The following TECTB variants were observed in gnomAD, a reference collection of about 807,000 sequenced individuals.
TECTB encodes the protein beta-tectorin.
TECTB carries 45 observed loss-of-function variants against 43.3 expected under a neutral mutation model. The observed-to-expected ratio is 1.04, with a 90% CI of 0.82 to 1.33. The LOEUF (loss-of-function observed/expected upper bound fraction) is 1.33. Among genes scored for constraint, TECTB ranks in the 40% most tolerant of loss-of-function variants. TECTB has a pLI of 0.00. For synonymous variants in TECTB, 169 were observed against 156.7 expected, an observed-to-expected ratio of 1.08 and a Z score of -0.59; for missense variants, 399 against 404.7, an observed-to-expected ratio of 0.99 and a Z score of 0.12.
In TECTB at chr10:112,298,090, C is replaced by T. The variant is rs1216242840; in HGVS notation, c.693C>T (p.Val231=). The change falls in exon 8 of 11, where the codon GTC becomes GTT. Residue 231 remains valine, a synonymous_variant. Coordinates refer to ENST00000646139, the MANE Select transcript of TECTB (RefSeq NM_058222.3). ...INKGCPTDET[V]LVHENGRDHR... ...TCAGCTGCCCCACGGATGAAACCGT[C>T]CTCGTGCATGAGAATGGGAGAGATC... 6.2e-7 allele frequency: 1 copy of T among 1,614,226 alleles called. No homozygotes were observed. Among genetic ancestry groups the T allele is most frequent in the Admixed American group, 1.7e-5 (1 of 60,026 alleles).
chr10:112,302,118 C>T lies in TECTB; in HGVS notation c.925C>T (p.Leu309Phe). ...CACTACAGGCAGGGGATTTTCCAGT[C>T]TCTATAGCTTCTCAGGTAAGGAAAA... ...LSLRSRGFSS[L>F]YSFSDVLHHL... The change falls in exon 10 of 11, where the codon CTC becomes TTC. Residue 309 changes from leucine (L) to phenylalanine (F), a missense_variant. Leu to Phe is a conservative substitution (Grantham distance 22). Transcript: ENST00000646139. 1 of 1,614,092 alleles carries T rather than the reference C, an allele frequency of 6.2e-7. No individual in the cohort carries two copies. Among genetic ancestry groups the T allele is most frequent in the Non-Finnish European group, 8.5e-7 (1 of 1,179,968 alleles).
intron 5 of TECTB, 126 bp downstream of exon 5, chr10:112,286,517 AAAC>A: frequency 9.6e-7 from 1 of 1,040,826 alleles, no homozygotes; most frequent in Non-Finnish European, 1.4e-6. Flanking sequence ...ATTCAAGTTG[AAAC>A]ATGAACTTTG....
intron 5 of TECTB, among the ~76,000 whole-genome samples, chr10:112,289,303 G>T (rs1415186150): frequency 6.6e-6 from 1 of 152,160 alleles, no homozygotes; most frequent in Non-Finnish European, 1.5e-5. Flanking sequence ...AATCAAAACA[G>T]TACTGATCAT....
chr10:112,298,163 A>G lies in TECTB; in HGVS notation c.766A>G (p.Lys256Glu). 6.2e-7 allele frequency: 1 copy of G among 1,614,190 alleles called. No individual in the cohort carries two copies. Among genetic ancestry groups the G allele is most frequent in the Non-Finnish European group, 8.5e-7 (1 of 1,180,042 alleles). Residue 256 changes from lysine (K) to glutamate (E), a missense_variant, in exon 8 of 11, where the codon AAA (lysine) becomes GAA (glutamate). Physicochemically the swap from Lys to Glu is moderately conservative, Grantham distance 56. Coordinates refer to ENST00000646139, the MANE Select transcript of TECTB (RefSeq NM_058222.3). ...TGCTTTCCGGTTCCAGAACATCCCC[A>G]AACTCTCCAAGGTGTGGTTACACTG... ...FNAFRFQNIP[K>E]LSKVWLHCET...
intron 9 of TECTB, among the ~76,000 whole-genome samples, chr10:112,300,291 GAA>G (rs1404203530): frequency 1.3e-5 from 1 of 76,662 alleles, no homozygotes; most frequent in Non-Finnish European, 2.6e-5. Flanking sequence ...AAGAAAGAAA[GAA>G]AGAAAGAAAG....
intron 9 of TECTB, among the ~76,000 whole-genome samples, chr10:112,300,537 G>A (rs1848602545): frequency 6.6e-6 from 1 of 152,160 alleles, no homozygotes; most frequent in African/African-American, 2.4e-5. Flanking sequence ...AGACACTAAG[G>A]GAAAGAGAAA....
intron 2 of TECTB, 64 bp downstream of exon 2, chr10:112,283,874 C>A (rs1309716054): frequency 6.6e-6 from 10 of 1,519,192 alleles, no homozygotes; most frequent in Non-Finnish European, 9.0e-6. Flanking sequence ...TTTTACAATG[C>A]TCAGCACTTC....
Position 112,300,279 on chromosome 10 carries a change from A to AAAGGAAAGAAAGAAAGAAAG in TECTB, c.907+717_907+718insGGAAAGAAAGAAAGAAAGAA, listed in dbSNP as rs1361291056. On this transcript the variant is annotated intron_variant, in intron 9 of 10. Transcript: ENST00000646139. ...GAAAGAAAGAAAGAAAGAAAGAAAG[A>AAAGGAAAGAAAGAAAGAAAG]AAAGAAAGAAAGAAAGAAAGAAAGA... Among the ~76,000 whole-genome samples the AAAGGAAAGAAAGAAAGAAAG allele has an allele frequency of 1.8e-3, 88 of 48,390 alleles. 1 individual carries two copies. The highest frequency in any genetic ancestry group is 4.6e-3 in the African/African-American group (52 of 11,238). 31.7% of individuals were successfully genotyped at this position (48,390 alleles called of 152,430 possible). A position where few individuals can be genotyped will look rare whatever the true frequency, so the allele number is the denominator to read the frequency against.
Position 112,293,834 on chromosome 10 carries a change from A to G in TECTB, c.580A>G (p.Ser194Gly). The G allele has an allele frequency of 6.2e-7, 1 of 1,614,106 alleles. No homozygotes were observed. ...LFAGVEAKGL[S>G]IRFKVVLNSC... ...TGCAGGAGTGGAAGCCAAAGGGTTA[A>G]GCATTAGGTAAGTACATTTCCTCCA... The change falls in exon 6 of 11, where the codon AGC becomes GGC. Residue 194 changes from serine to glycine, a missense_variant. Coordinates refer to ENST00000646139, the MANE Select transcript of TECTB (RefSeq NM_058222.3).
Position 112,286,311 on chromosome 10 carries a change from C to T in TECTB, c.411-8C>T. 6.2e-7 allele frequency: 1 copy of T among 1,611,920 alleles called. No homozygotes were observed. The highest frequency in any genetic ancestry group is 2.2e-5 in the East Asian group (1 of 44,796). Reference sequence around the variant, plus strand: ...CAGTCCTTATGCAAAATTCTCTCCCCTTTTCAGAGTGGCCACTGTTCACGT... The same window carrying T: ...CAGTCCTTATGCAAAATTCTCTCCCTTTTTCAGAGTGGCCACTGTTCACGT... On this transcript the variant is annotated splice_region_variant and splice_polypyrimidine_tract_variant and intron_variant, in intron 4 of 10. Coordinates refer to ENST00000646139, the MANE Select transcript of TECTB (RefSeq NM_058222.3).
At chr10:112,284,480 G>A (rs1057251327) in intron 2 of TECTB, 55 bp from the exon 3 acceptor site, 50 of 1,462,548 alleles carry the variant, frequency 3.4e-5, no homozygotes, top group South Asian at 6.2e-5. Flanking sequence ...TGTTCGTTAC[G>A]TAGGTTAGCA....
chr10:112,299,318 T>C (rs1214612279), intron 8 of TECTB, among the ~76,000 whole-genome samples, 174 bp from the exon 9 acceptor site: 1 of 152,162 alleles, frequency 6.6e-6, no homozygotes, highest in African/African-American at 2.4e-5. Context: ...GGATGAACAG[T>C]GTGTCTTCTG....
Position 112,286,124 on chromosome 10 carries a change from A to G in TECTB, c.321A>G (p.Thr107=). Reference sequence around the variant, plus strand: ...GTCACATCGTTTCCAATGACACCACAGTGATTGTAAAAAACCAGCCTGTCA... The same window carrying G: ...GTCACATCGTTTCCAATGACACCACGGTGATTGTAAAAAACCAGCCTGTCA... ...FYSHIVSNDT[T]VIVKNQPVNY... Residue 107 remains threonine, a synonymous_variant, in exon 4 of 11, where the codon ACA becomes ACG. Coordinates refer to ENST00000646139, the MANE Select transcript of TECTB (RefSeq NM_058222.3). 1 of 1,614,116 alleles carries G rather than the reference A, an allele frequency of 6.2e-7. No homozygotes were observed. The highest frequency in any genetic ancestry group is 2.2e-5 in the East Asian group (1 of 44,874).
chr10:112,297,063 G>C (rs1434330146), intron 7 of TECTB, among the ~76,000 whole-genome samples: 2 of 152,158 alleles, frequency 1.3e-5, no homozygotes, highest in Admixed American at 1.3e-4. Context: ...CTAGTTAAAG[G>C]AACGGCACTT....
chr10:112,297,232 T>C (rs1323346780), intron 7 of TECTB, among the ~76,000 whole-genome samples: 2 of 152,124 alleles, frequency 1.3e-5, no homozygotes, highest in Middle Eastern at 3.2e-3. Context: ...GCCCACTCAC[T>C]AGATACCAGC....
chr10:112,288,337 T>TA (rs146764105), intron 5 of TECTB, among the ~76,000 whole-genome samples: 121 of 150,392 alleles, frequency 8.0e-4, no homozygotes, highest in African/African-American at 2.3e-3. Context: ...CTTATTTTCT[T>TA]AAAAAAAAAT....
intron 9 of TECTB, among the ~76,000 whole-genome samples, chr10:112,301,632 C>A (rs1362374173): frequency 6.6e-6 from 1 of 152,050 alleles, no homozygotes; most frequent in African/African-American, 2.4e-5. Flanking sequence ...GGAGAGAAAG[C>A]GTTGTGAGAT....
rs1405684994 is a variant in TECTB, at chr10:112,298,003, C to T, written c.672-66C>T. 3.7e-6 allele frequency: 6 copies of T among 1,605,732 alleles called. No homozygotes were observed. The East Asian group carries it at 8.9e-5, about 24-fold the overall frequency. ...CACCTCGGGAGCCTTGTGTGTAAATCGCTCAGCAGCTCTTGCTGGAGTTCA... is the reference window on the plus strand; with the variant it reads ...CACCTCGGGAGCCTTGTGTGTAAATTGCTCAGCAGCTCTTGCTGGAGTTCA... On this transcript the variant is annotated intron_variant, in intron 7 of 10. Coordinates refer to ENST00000646139, the MANE Select transcript of TECTB (RefSeq NM_058222.3).
At chr10:112,287,157 GAGA>G (rs1401542929) in intron 5 of TECTB, among the ~76,000 whole-genome samples, 1 of 152,196 alleles carries the variant, frequency 6.6e-6, no homozygotes, top group Non-Finnish European at 1.5e-5. Flanking sequence ...CAGGGCTAAA[GAGA>G]AGGATTGGGG....
Sources: allele counts gnomAD v4.1 joint callset (sites outside exome capture counted in the v4.1 genomes callset), GRCh38; gene constraint gnomAD v4.1.1; transcripts MANE v1.5; gene names NCBI Gene and HGNC (gene_info 2026-07-23, HGNC 2026-07-21).